Variants in LRP1 observed in about 807,000 individuals in gnomAD.
LRP1 encodes LDL receptor related protein 1.
Under a neutral mutation model 541.5 loss-of-function variants are expected in LRP1, and 51 were observed. That is an observed-to-expected ratio of 0.09 (90% CI 0.08 to 0.12). The LOEUF (loss-of-function observed/expected upper bound fraction) is 0.12, where lower values mean the gene tolerates loss of function less well. LRP1 is among the 10% of genes least tolerant of loss of function. LRP1 has a pLI of 1.00. For synonymous variants in LRP1, 2,219 were observed against 2,470.8 expected (o/e 0.90, Z 3.02); for missense variants, 3,878 against 6,376.2 (o/e 0.61, Z 13.34).
In LRP1 at chr12:57,202,470, C is replaced by T. The variant is rs573254451; in HGVS notation, c.10644C>T (p.Cys3548=). 3.3e-5 allele frequency: 53 copies of T among 1,613,684 alleles called. No individual in the cohort carries two copies. In the East Asian group the frequency reaches 9.6e-4, roughly 29 times the overall value. ...PYQFRCKNNR[C]VPGRWQCDYD... ...AGTTCCGCTGCAAGAACAACCGCTG[C>T]GTGCCCGGCCGCTGGCAGTGCGACT... Residue 3548 remains cysteine, a synonymous_variant, in exon 68 of 89, where the codon TGC becomes TGT. Transcript: ENST00000243077.
Position 57,201,516 on chromosome 12 carries a change from C to G in LRP1, c.10365C>G (p.Pro3455=). The G allele has an allele frequency of 6.2e-7, 1 of 1,613,834 alleles. No individual in the cohort carries two copies. ...CCACAGCCGAGGTGACCTGCGCCCC[C>G]AACCAGTTCCAGTGCTCCATTACCA... ...ERDCPEVTCA[P]NQFQCSITKR... Residue 3455 remains proline (P), a synonymous_variant, in exon 66 of 89, where the codon CCC becomes CCG. Coordinates refer to ENST00000243077, the MANE Select transcript of LRP1 (RefSeq NM_002332.3). This position sits in a 1 kb window ranked among gnomAD's most constrained non-coding sequence, Gnocchi z 6.4.
intron 59 of LRP1, 46 bp from the exon 60 acceptor site, chr12:57,198,419 G>A (rs771831963): frequency 6.8e-5 from 109 of 1,606,340 alleles, no homozygotes; most frequent in Middle Eastern, 3.3e-4. Flanking sequence ...CCACTGGTGC[G>A]ATGGGTTACG....
chr12:57,204,784 C>G lies in LRP1; in HGVS notation c.11194+35C>G. On this transcript the variant is annotated intron_variant, in intron 72 of 88. Transcript: ENST00000243077. This position sits in a 1 kb window ranked among gnomAD's most constrained non-coding sequence, Gnocchi z 5.3. ...GGGCCGACGAGAGGCCTGCAGGGGA[C>G]GGGTAGTGCACAGTGGGGTGAGTCT... 2 of 1,611,870 alleles carry G rather than the reference C, an allele frequency of 1.2e-6. No homozygotes were observed. Among genetic ancestry groups the G allele is most frequent in the Non-Finnish European group, 1.7e-6 (2 of 1,178,838 alleles).
rs2036115372 is a variant in LRP1 at position 57,179,393 on chromosome 12, C to T, written c.4803C>T (p.Pro1601=). 1 of 1,614,230 alleles carries T rather than the reference C, an allele frequency of 6.2e-7. No homozygotes were observed. The highest frequency in any genetic ancestry group is 2.2e-5 in the East Asian group (1 of 44,884). The change falls in exon 29 of 89, where the codon CCC becomes CCT. Residue 1601 remains proline, a synonymous_variant. Transcript: ENST00000243077. This position sits in a 1 kb window ranked among gnomAD's most constrained non-coding sequence, Gnocchi z 6.8. ...TCCGAGGTGTGGACCTGGATGCTCC[C>T]TACTACAACTACATCATCTCCTTCA... ...MEIRGVDLDA[P]YYNYIISFTV...
Position 57,180,792 on chromosome 12 carries a change from G to A in LRP1, c.5512G>A (p.Glu1838Lys), listed in dbSNP as rs1555185072. 1 of 1,613,972 alleles carries A rather than the reference G, an allele frequency of 6.2e-7. No individual in the cohort carries two copies. The highest frequency in any genetic ancestry group is 2.2e-5 in the East Asian group (1 of 44,882). The change falls in exon 33 of 89, where the codon GAG becomes AAG. Residue 1838 changes from glutamate (E) to lysine (K), a missense_variant. By Grantham distance (56) the Glu-to-Lys change is moderately conservative. Coordinates refer to ENST00000243077, the MANE Select transcript of LRP1 (RefSeq NM_002332.3). The part of the protein sequence containing the change: ...TLVMHMKVYD[E>K]SIQLDHKGTN... ...GGTGATGCACATGAAGGTCTATGAC[G>A]AGAGCATCCAGCTGGGTAGGTGCGA...
In LRP1 at chr12:57,200,826, G is replaced by GGGGGGCCCCCCCCCC; in HGVS notation, c.10225+11_10225+12insGGGGGCCCCCCCCCC. The stretch of plus-strand genomic sequence containing the variant: ...ACGAGGCCAACTGTGGTAAGGCGCT[G>GGGGGGCCCCCCCCCC]CCCGCCCACCCTCCCTCCTTCCCCA... On this transcript the variant is annotated intron_variant, in intron 64 of 88. Coordinates refer to ENST00000243077, the MANE Select transcript of LRP1 (RefSeq NM_002332.3). The GGGGGGCCCCCCCCCC allele has an allele frequency of 1.3e-6, 2 of 1,581,434 alleles. No individual in the cohort carries two copies. The highest frequency in any genetic ancestry group is 1.7e-6 in the Non-Finnish European group (2 of 1,157,678).
At chr12:57,138,257 T>TC (rs1262123628) in intron 1 of LRP1, among the ~76,000 whole-genome samples, 1 of 151,582 alleles carries the variant, frequency 6.6e-6, no homozygotes, top group Non-Finnish European at 1.5e-5. Context: ...TTCTGGATCC[T>TC]CCCCACCCCC....
At position 57,183,271 on chromosome 12, in the gene LRP1, G is replaced by GT; in HGVS notation, c.5663-108_5663-107insT. 1 of 1,167,092 alleles carries GT rather than the reference G, an allele frequency of 8.6e-7. No individual in the cohort carries two copies. Among genetic ancestry groups the GT allele is most frequent in the East Asian group, 2.4e-5 (1 of 41,186 alleles). 72.3% of individuals were successfully genotyped at this position (1,167,092 alleles called of 1,614,324 possible). On this transcript the variant is annotated intron_variant, in intron 34 of 88. Transcript: ENST00000243077. The surrounding 1 kb of genome is among the most constrained non-coding windows in gnomAD (Gnocchi z 6.1). ...CTGGGTGGAGGATAGGGATGATGGT[G>GT]GGGGGGGATGATATCAAAGGAGAAG...
rs747312004 is a variant in LRP1, at chr12:57,207,278, A to AT, written c.11859+538dup. ...AATAAATAAATAAATAAATAAATAA[A>AT]TAAATAGAGACTCGGTCTCTAAATA... On this transcript the variant is annotated intron_variant, in intron 76 of 88. Coordinates refer to ENST00000243077, the MANE Select transcript of LRP1 (RefSeq NM_002332.3). Among the ~76,000 whole-genome samples, 436 of 139,218 alleles carry AT rather than the reference A, an allele frequency of 3.1e-3. 1 individual carries two copies. The highest frequency in any genetic ancestry group is 7.1e-3 in the Middle Eastern group (2 of 280). The allele number at this position is 139,218 out of a possible 152,430, so 91.3% of individuals were successfully genotyped here.
At position 57,204,104 on chromosome 12, in the gene LRP1, A is replaced by C; in HGVS notation, c.10952-306A>C. 7.3e-6 allele frequency: 2 copies of C among 273,988 alleles called. No homozygotes were observed. Among genetic ancestry groups the C allele is most frequent in the Non-Finnish European group, 1.4e-5 (2 of 146,068 alleles). The allele number at this position is 273,988 out of a possible 1,614,324, so 17.0% of individuals were successfully genotyped here. ...GCTGTTCCCGCGTCCCCGCTGTGGA[A>C]CTACACAGCCCAGTGCTGTTCCCAC... is the stretch of plus-strand genomic sequence containing the variant. On this transcript the variant is annotated intron_variant, in intron 70 of 88. Coordinates refer to ENST00000243077, the MANE Select transcript of LRP1 (RefSeq NM_002332.3). The surrounding 1 kb of genome is among the most constrained non-coding windows in gnomAD (Gnocchi z 5.3).
In LRP1 at chr12:57,156,626, G is replaced by A. The variant is rs1386937158; in HGVS notation, c.1418-151G>A. ...GAAGGCTGGGTTGTTGGGGGGCAGA[G>A]GGTTTCCACCCCTGTGGCTTCCAAA... is the stretch of plus-strand genomic sequence containing the variant. On this transcript the variant is annotated intron_variant, in intron 9 of 88. Transcript: ENST00000243077. The surrounding 1 kb of genome is among the most constrained non-coding windows in gnomAD (Gnocchi z 5.2). 8.0e-6 allele frequency: 7 copies of A among 876,590 alleles called. No individual in the cohort carries two copies. Among genetic ancestry groups the A allele is most frequent in the Non-Finnish European group, 1.2e-5 (7 of 595,260 alleles). The allele number at this position is 876,590 out of a possible 1,614,324, so 54.3% of individuals were successfully genotyped here.
Position 57,195,056 on chromosome 12 carries a change from G to A in LRP1, c.8263G>A (p.Gly2755Ser), listed in dbSNP as rs149415384. Residue 2755 changes from glycine to serine, a missense_variant, in exon 51 of 89, where the codon GGC becomes AGC. Coordinates refer to ENST00000243077, the MANE Select transcript of LRP1 (RefSeq NM_002332.3). ...CATCTCCAAGCAGTGGCTGTGTGAC[G>A]GCAGCGATGACTGTGGGGATGGCTC... is the stretch of plus-strand genomic sequence containing the variant. ...RCISKQWLCDGSDDCGDGSDE... is the reference protein window; with the variant it reads ...RCISKQWLCDSSDDCGDGSDE... 1.2e-4 allele frequency: 198 copies of A among 1,613,918 alleles called. 1 individual carries two copies. Among genetic ancestry groups the A allele is most frequent in the Non-Finnish European group, 1.5e-4 (179 of 1,179,966 alleles).
rs961045105 is a variant in LRP1 at position 57,180,873 on chromosome 12, G to A, written c.5527+66G>A. ...ACAGGGGAGCCGTCCAGAGCTGCAG[G>A]CTGCAGGGCCATGGGGCAAGGGAGT... On this transcript the variant is annotated intron_variant, in intron 33 of 88. Transcript: ENST00000243077. The A allele has an allele frequency of 6.3e-6, 10 of 1,595,918 alleles. No homozygotes were observed. The Middle Eastern group carries it at 5.5e-4, about 88-fold the overall frequency.
chr12:57,143,264 G>A (rs898852544), intron 3 of LRP1, among the ~76,000 whole-genome samples: 2 of 152,156 alleles, frequency 1.3e-5, no homozygotes, highest in African/African-American at 4.8e-5. Context: ...GGACAGACAC[G>A]ATTCCATGCC....
At chr12:57,137,102 G>A (rs994569856) in intron 1 of LRP1, among the ~76,000 whole-genome samples, 3 of 151,980 alleles carry the variant, frequency 2.0e-5, no homozygotes, top group Non-Finnish European at 2.9e-5. Flanking sequence ...TTAGCCATGC[G>A]TGGTGGCGCA....
chr12:57,194,775 C>G, intron 50 of LRP1, 76 bp downstream of exon 50: 1 of 1,500,094 alleles, frequency 6.7e-7, no homozygotes, highest in Admixed American at 2.2e-5. Context: ...CAGCAAATGC[C>G]CCCTTGGAAA....
chr12:57,206,877 C>T lies in LRP1; in HGVS notation c.11859+136C>T, dbSNP rs187793919. 22 of 961,340 alleles carry T rather than the reference C, an allele frequency of 2.3e-5. No individual in the cohort carries two copies. The highest frequency in any genetic ancestry group is 1.4e-4 in the Admixed American group (6 of 42,386). 59.6% of individuals were successfully genotyped at this position (961,340 alleles called of 1,614,324 possible). On this transcript the variant is annotated intron_variant, in intron 76 of 88. Coordinates refer to ENST00000243077, the MANE Select transcript of LRP1 (RefSeq NM_002332.3). This position sits in a 1 kb window ranked among gnomAD's most constrained non-coding sequence, Gnocchi z 4.7. Reference sequence around the variant, plus strand: ...ATCCCAGCACTTTGGGAGGCCAAGGCGGGCAGATCACCTGAGATCAGGAGT... The same window carrying T: ...ATCCCAGCACTTTGGGAGGCCAAGGTGGGCAGATCACCTGAGATCAGGAGT...
chr12:57,211,003 C>A lies in LRP1; in HGVS notation c.12916+124C>A, dbSNP rs1166174029. 2 of 1,420,312 alleles carry A rather than the reference C, an allele frequency of 1.4e-6. No homozygotes were observed. The highest frequency in any genetic ancestry group is 1.9e-6 in the Non-Finnish European group (2 of 1,054,950). The allele number at this position is 1,420,312 out of a possible 1,614,324, so 88.0% of individuals were successfully genotyped here. On this transcript the variant is annotated intron_variant, in intron 83 of 88. Coordinates refer to ENST00000243077, the MANE Select transcript of LRP1 (RefSeq NM_002332.3). This position sits in a 1 kb window ranked among gnomAD's most constrained non-coding sequence, Gnocchi z 4.3. ...CAAGTTCAGGAAAGAAGGCCTTATGCAGCTGAGCCAGGCCCAAGCTGCTGG... is the reference window on the plus strand; with the variant it reads ...CAAGTTCAGGAAAGAAGGCCTTATGAAGCTGAGCCAGGCCCAAGCTGCTGG...
chr12:57,179,177 TCTGCCAGGGGGGCTGCA>T lies in LRP1; in HGVS notation c.4739-150_4739-134del, dbSNP rs1201264506. The T allele has an allele frequency of 3.3e-6, 4 of 1,195,810 alleles. No homozygotes were observed. The South Asian group carries it at 5.9e-5, about 18-fold the overall frequency. 74.1% of individuals were successfully genotyped at this position (1,195,810 alleles called of 1,614,324 possible). ...AGCCACTGTGAGAAGGGGCTGCAGG[TCTGCCAGGGGGGCTGCA>T]CCCAGCGGGGTATGTCCACGGAGCC... On this transcript the variant is annotated intron_variant, in intron 28 of 88. Transcript: ENST00000243077. The surrounding 1 kb of genome is among the most constrained non-coding windows in gnomAD (Gnocchi z 6.8).
Sources: gnomAD v4.1 joint callset for allele counts (sites outside exome capture counted in the v4.1 genomes callset) on GRCh38, gnomAD v4.1.1 for gene constraint, Gnocchi (gnomAD v3.1) non-coding constraint, MANE v1.5 for transcripts, NCBI Gene and HGNC (gene_info 2026-07-23, HGNC 2026-07-21) for gene names.